The following AGMO variants were observed in gnomAD, a reference collection of about 807,000 sequenced individuals.
AGMO encodes the protein glyceryl-ether monooxygenase.
A neutral mutation model predicts 60.2 loss-of-function variants in AGMO; 75 were observed. That is an observed-to-expected ratio of 1.25 (90% CI 1.03 to 1.51). The LOEUF is 1.51. Ranked by LOEUF, AGMO falls within the 40% of genes most tolerant of loss-of-function variation. AGMO has a pLI of 0.00. For missense variants in AGMO, 763 were observed against 525.5 expected (o/e 1.45, Z -4.42); for synonymous variants, 261 against 177.1 (o/e 1.47, Z -3.76).
At chr7:15,324,985 TAAAATTA>T (rs1212860092) in intron 12 of AGMO, among the ~76,000 whole-genome samples, 2 of 151,954 alleles carry the variant, frequency 1.3e-5, no homozygotes, top group Non-Finnish European at 2.9e-5. Flanking sequence ...CAAACCAAAG[TAAAATTA>T]AAAATTAAAA....
intron 12 of AGMO, among the ~76,000 whole-genome samples, chr7:15,285,724 TA>T (rs1367878284): frequency 2.0e-5 from 3 of 152,000 alleles, no homozygotes; most frequent in African/African-American, 7.2e-5. Context: ...AAAAATATCC[TA>T]AAATTCTGTG....
the AGMO span, among the ~76,000 whole-genome samples, chr7:15,157,439 G>A: frequency 2.0e-5 from 3 of 152,154 alleles, no homozygotes; most frequent in South Asian, 2.1e-4. Context: ...CATTTTGTAC[G>A]TGTCAACTTG....
rs1412752623 is a variant in AGMO at position 15,516,650 on chromosome 7, GC to G, written c.409+28121del. Reference sequence around the variant, plus strand: ...AATTGTAACCTTATACATCTGTTGAGCACACATCTGGACACTTAGCTCAATT... The same window carrying G: ...AATTGTAACCTTATACATCTGTTGAGACACATCTGGACACTTAGCTCAATT... On this transcript the variant is annotated intron_variant, in intron 3 of 12. Transcript: ENST00000342526. Among the ~76,000 whole-genome samples the G allele has an allele frequency of 2.6e-5, 4 of 152,218 alleles. No individual in the cohort carries two copies. In the East Asian group the frequency reaches 7.7e-4, roughly 29 times the overall value.
At chr7:15,315,439 G>A (rs1780895847) in intron 12 of AGMO, among the ~76,000 whole-genome samples, 1 of 132,866 alleles carries the variant, frequency 7.5e-6, no homozygotes, top group African/African-American at 2.8e-5. Context: ...CCTAGTTCAA[G>A]CGATTCTCCT....
chr7:15,231,261 T>C (rs756342379), intron 12 of AGMO, among the ~76,000 whole-genome samples: 18 of 152,208 alleles, frequency 1.2e-4, no homozygotes, highest in Non-Finnish European at 2.1e-4. Flanking sequence ...ATTGGGAAGC[T>C]TGCTCCACTT....
chr7:15,395,451 T>G (rs1452755942), intron 5 of AGMO, among the ~76,000 whole-genome samples: 1 of 151,288 alleles, frequency 6.6e-6, no homozygotes, highest in African/African-American at 2.5e-5. Flanking sequence ...AAACAAAAAT[T>G]TATAATAAAC....
intron 12 of AGMO, among the ~76,000 whole-genome samples, chr7:15,319,867 G>A (rs562073286): frequency 6.6e-6 from 1 of 151,928 alleles, no homozygotes; most frequent in African/African-American, 2.4e-5. Context: ...GCAGTATACA[G>A]TTACATAAAA....
At chr7:15,449,612 AG>A (rs1658195604) in intron 3 of AGMO, among the ~76,000 whole-genome samples, 1 of 152,190 alleles carries the variant, frequency 6.6e-6, no homozygotes, top group African/African-American at 2.4e-5. Flanking sequence ...CTAGGTGTGT[AG>A]TAGGCTATAC....
intron 12 of AGMO, among the ~76,000 whole-genome samples, chr7:15,332,514 A>C (rs1249174801): frequency 6.6e-6 from 1 of 151,992 alleles, no homozygotes; most frequent in Non-Finnish European, 1.5e-5. Context: ...ATATCACCTA[A>C]TGTTTCCCCA....
rs1251006241 is a variant in AGMO, at chr7:15,309,837, C to T, written c.1263+55677G>A. Among the ~76,000 whole-genome samples, 12 of 152,206 alleles carry T rather than the reference C, an allele frequency of 7.9e-5. No homozygotes were observed. In the South Asian group the frequency reaches 2.1e-3, roughly 26 times the overall value. ...ATTATGCCATTTAATAAACATTGTT[C>T]CCCATCTTTAATAAATATGTTATCT... is the stretch of plus-strand genomic sequence containing the variant. On this transcript the variant is annotated intron_variant, in intron 12 of 12. Transcript: ENST00000342526.
intron 5 of AGMO, among the ~76,000 whole-genome samples, chr7:15,399,838 C>A (rs1784508395): frequency 6.6e-6 from 1 of 152,186 alleles, no homozygotes; most frequent in African/African-American, 2.4e-5. Flanking sequence ...CCAAAACTTT[C>A]AGAGTTCAAA....
intron 12 of AGMO, among the ~76,000 whole-genome samples, chr7:15,282,522 A>G (rs1455737059): frequency 6.6e-6 from 1 of 152,156 alleles, no homozygotes; most frequent in African/African-American, 2.4e-5. Context: ...AATCAGAAAA[A>G]TAATAAAGAA....
At chr7:15,368,359 G>C (rs1783065649) in intron 10 of AGMO, among the ~76,000 whole-genome samples, 1 of 151,814 alleles carries the variant, frequency 6.6e-6, no homozygotes, top group Admixed American at 6.6e-5. Context: ...GATTAAAATG[G>C]CATCTCTCAC....
intron 3 of AGMO, among the ~76,000 whole-genome samples, chr7:15,489,791 A>G (rs1202838481): frequency 6.6e-6 from 1 of 152,222 alleles, no homozygotes; most frequent in Non-Finnish European, 1.5e-5. Flanking sequence ...CAGTGTTAGC[A>G]TACTTCAAAA....
At chr7:15,371,031 G>A (rs113620497) in intron 10 of AGMO, among the ~76,000 whole-genome samples, 1 of 152,226 alleles carries the variant, frequency 6.6e-6, no homozygotes, top group African/African-American at 2.4e-5. Flanking sequence ...TCCTTATTCA[G>A]TAAGTGGTAG....
chr7:15,472,156 A>C (rs374366343), intron 3 of AGMO, among the ~76,000 whole-genome samples: 1 of 152,018 alleles, frequency 6.6e-6, no homozygotes, highest in South Asian at 2.1e-4. Context: ...AATCAAATGT[A>C]TAAACTTCAC....
chr7:15,470,218 T>C (rs11764096), intron 3 of AGMO, among the ~76,000 whole-genome samples: 40,474 of 151,896 alleles, frequency 0.27, 6,018 homozygotes, highest in East Asian at 0.6. Flanking sequence ...TATGCTCTGA[T>C]ATTTAATCAT....
At chr7:15,326,926 A>G (rs933076417) in intron 12 of AGMO, among the ~76,000 whole-genome samples, 7 of 152,234 alleles carry the variant, frequency 4.6e-5, no homozygotes, top group African/African-American at 1.7e-4. Context: ...AAGACAGTAA[A>G]GTTTTATAAG....
chr7:15,548,539 T>A (rs971400066), intron 2 of AGMO, among the ~76,000 whole-genome samples: 1 of 152,128 alleles, frequency 6.6e-6, no homozygotes, highest in Non-Finnish European at 1.5e-5. Flanking sequence ...CAGGAGCCGA[T>A]GTGATCAACT....
Sources: allele counts gnomAD v4.1 joint callset (sites outside exome capture counted in the v4.1 genomes callset), GRCh38; gene constraint gnomAD v4.1.1; transcripts MANE v1.5; gene names NCBI Gene and HGNC (gene_info 2026-07-23, HGNC 2026-07-21).